The following CNDP1 variants were observed in gnomAD, a reference collection of about 807,000 sequenced individuals.
The protein encoded by CNDP1 is beta-Ala-His dipeptidase.
CNDP1 carries 44 observed loss-of-function variants against 58.1 expected under a neutral mutation model. The observed-to-expected ratio is 0.76, with a 90% CI of 0.60 to 0.97. The LOEUF is 0.97. Among genes scored for constraint, CNDP1 ranks in the 50% least tolerant of loss-of-function variants. The pLI is 0.00. For missense variants in CNDP1, 616 were observed against 655.1 expected, an observed-to-expected ratio of 0.94 and a Z score of 0.65; for synonymous variants, 254 against 252.6, an observed-to-expected ratio of 1.01 and a Z score of -0.05.
At chr18:74,551,003 G>A (rs1176670322) in intron 1 of CNDP1, among the ~76,000 whole-genome samples, 4 of 152,138 alleles carry the variant, frequency 2.6e-5, no homozygotes, top group Non-Finnish European at 5.9e-5. Flanking sequence ...ATGTCGAAAT[G>A]TAATCCTCAA....
intron 1 of CNDP1, among the ~76,000 whole-genome samples, chr18:74,542,461 G>C (rs1034522944): frequency 2.0e-5 from 3 of 152,216 alleles, no homozygotes; most frequent in Admixed American, 2.0e-4. Flanking sequence ...ACTGGGCCAG[G>C]CTGTAGGGAC....
At chr18:74,556,490 TAC>T in intron 2 of CNDP1, 24 bp downstream of exon 2, 1 of 1,612,892 alleles carries the variant, frequency 6.2e-7, no homozygotes. Context: ...ACTACACAAC[TAC>T]ACACAGAATG....
In CNDP1 at chr18:74,584,899, C is replaced by A. The variant is rs1285626616; in HGVS notation, c.*337C>A. On this transcript the variant is annotated 3_prime_UTR_variant, in exon 12 of 12. Coordinates refer to ENST00000358821, the MANE Select transcript of CNDP1 (RefSeq NM_032649.6). ...TTGCAATTTGATTGGCATAATCACT[C>A]CAGTTTGCTTTCTAGGTCCTCAAGT... 1.3e-5 allele frequency: 3 copies of A among 231,594 alleles called. No individual in the cohort carries two copies. The highest frequency in any genetic ancestry group is 6.7e-5 in the African/African-American group (3 of 45,022). The allele number at this position is 231,594 out of a possible 1,614,324, so 14.3% of individuals were successfully genotyped here.
chr18:74,562,036 C>A lies in CNDP1; in HGVS notation c.467-11C>A. ...CACACTTCTCTGAACATTCTTCTCC[C>A]CTTTTTAAAGGGAAACTTTATGGAC... is the stretch of plus-strand genomic sequence containing the variant. On this transcript the variant is annotated splice_polypyrimidine_tract_variant and intron_variant, in intron 4 of 11. Coordinates refer to ENST00000358821, the MANE Select transcript of CNDP1 (RefSeq NM_032649.6). 6.2e-7 allele frequency: 1 copy of A among 1,613,156 alleles called. No homozygotes were observed. Among genetic ancestry groups the A allele is most frequent in the Non-Finnish European group, 8.5e-7 (1 of 1,179,184 alleles).
Position 74,559,334 on chromosome 18 carries a change from G to A in CNDP1, c.165G>A (p.Glu55=). 6.2e-7 allele frequency: 1 copy of A among 1,614,136 alleles called. No individual in the cohort carries two copies. Among genetic ancestry groups the A allele is most frequent in the Non-Finnish European group, 8.5e-7 (1 of 1,180,030 alleles). The change falls in exon 3 of 12, where the codon GAG becomes GAA. Residue 55 remains glutamate, a synonymous_variant. Coordinates refer to ENST00000358821, the MANE Select transcript of CNDP1 (RefSeq NM_032649.6). ...HQDEFVQTLK[E]WVAIESDSVQ... is the part of the protein sequence containing the mutation. The stretch of plus-strand genomic sequence containing the variant: ...GCTCTTCCTCCTAGACGCTGAAGGA[G>A]TGGGTGGCCATCGAGAGCGACTCTG...
intron 5 of CNDP1, 64 bp from the exon 6 acceptor site, chr18:74,567,169 G>T: frequency 7.7e-7 from 1 of 1,292,558 alleles, no homozygotes; most frequent in Non-Finnish European, 1.1e-6. Context: ...GTTGAGATTT[G>T]GTGGGGACAC....
intron 1 of CNDP1, among the ~76,000 whole-genome samples, chr18:74,537,927 C>T (rs551001308): frequency 1.1e-4 from 16 of 152,200 alleles, no homozygotes; most frequent in Non-Finnish European, 1.6e-4. Flanking sequence ...ACAATTTAGA[C>T]GAAGGTGAGA....
intron 1 of CNDP1, among the ~76,000 whole-genome samples, chr18:74,553,442 T>C (rs1441203570): frequency 6.6e-6 from 1 of 152,144 alleles, no homozygotes; most frequent in Non-Finnish European, 1.5e-5. Flanking sequence ...TTATATATGG[T>C]GTGAGGAAGG....
rs150290157 is a variant in CNDP1 at position 74,535,487 on chromosome 18, G to T, written c.24+796G>T. ...TTCTAGAAGTGGGCTTTGCCCACCT[G>T]CAAGACCATGAGATTCCCACACCAT... On this transcript the variant is annotated intron_variant, in intron 1 of 11. Transcript: ENST00000358821. Among the ~76,000 whole-genome samples, 9 of 151,772 alleles carry T rather than the reference G, an allele frequency of 5.9e-5. No homozygotes were observed. In the South Asian group the frequency reaches 1.0e-3, roughly 18 times the overall value.
At chr18:74,535,863 C>T in intron 1 of CNDP1, among the ~76,000 whole-genome samples, 1 of 152,014 alleles carries the variant, frequency 6.6e-6, no homozygotes, top group South Asian at 2.1e-4. Flanking sequence ...GAGACCCTGA[C>T]TCTACAAACA....
At chr18:74,560,015 T>TTTTC (rs1169481208) in intron 3 of CNDP1, among the ~76,000 whole-genome samples, 2 of 147,620 alleles carry the variant, frequency 1.4e-5, no homozygotes, top group South Asian at 2.2e-4. Flanking sequence ...GCATTCTTTT[T>TTTTC]TTTTTTTTTT....
intron 5 of CNDP1, among the ~76,000 whole-genome samples, chr18:74,563,897 A>AG: frequency 6.6e-6 from 1 of 152,214 alleles, no homozygotes. Context: ...TTGCCAGAAA[A>AG]TTCTTAGGAT....
At chr18:74,578,425 A>AG (rs141377822) in intron 9 of CNDP1, 98 bp downstream of exon 9, 480,054 of 1,197,952 alleles carry the variant, frequency 0.4, 101,277 homozygotes, top group Non-Finnish European at 0.42. Flanking sequence ...CTACCATTGG[A>AG]GTATCATTTT....
intron 1 of CNDP1, among the ~76,000 whole-genome samples, chr18:74,539,297 C>T (rs1320235032): frequency 1.3e-5 from 2 of 152,108 alleles, no homozygotes; most frequent in African/African-American, 2.4e-5. Context: ...CGGAAGGATG[C>T]AGGCTTTTCC....
chr18:74,540,191 TC>T, intron 1 of CNDP1, among the ~76,000 whole-genome samples: 1 of 149,834 alleles, frequency 6.7e-6, no homozygotes, highest in Non-Finnish European at 1.5e-5. Context: ...GGAGTCTGGC[TC>T]TGTTGCCCAG....
intron 6 of CNDP1, among the ~76,000 whole-genome samples, chr18:74,568,762 A>C (rs944202299): frequency 2.0e-5 from 3 of 152,040 alleles, no homozygotes; most frequent in African/African-American, 7.3e-5. Flanking sequence ...TCACTTTGGG[A>C]CAGGGGGAAG....
In CNDP1 at chr18:74,548,025, G is replaced by A. The variant is rs371861340; in HGVS notation, c.25-8313G>A. ...CTCAGCTGGGCAACCGCCTACCCCC[G>A]CCGAAAAGACTCTCTCAGTCCAGGA... On this transcript the variant is annotated intron_variant, in intron 1 of 11. Transcript: ENST00000358821. Among the ~76,000 whole-genome samples the A allele has an allele frequency of 7.4e-4, 112 of 152,186 alleles. No homozygotes were observed. The South Asian group carries it at 0.017, about 24-fold the overall frequency.
At chr18:74,544,717 C>CAA (rs10562152) in intron 1 of CNDP1, among the ~76,000 whole-genome samples, 10,495 of 63,292 alleles carry the variant, frequency 0.17, 889 homozygotes, top group Non-Finnish European at 0.18. Context: ...GGTTCTGTCT[C>CAA]AAAAAAAAAA....
At chr18:74,567,885 G>A (rs1981372341) in intron 6 of CNDP1, among the ~76,000 whole-genome samples, 3 of 152,314 alleles carry the variant, frequency 2.0e-5, no homozygotes, top group South Asian at 2.1e-4. Flanking sequence ...GGTGTCGCCC[G>A]AGGCCAGCAT....
Sources: gnomAD v4.1 joint callset for allele counts (sites outside exome capture counted in the v4.1 genomes callset) on GRCh38, gnomAD v4.1.1 for gene constraint, MANE v1.5 for transcripts, NCBI Gene and HGNC (gene_info 2026-07-23, HGNC 2026-07-21) for gene names.